The following SAMD12 variants were observed in gnomAD, a reference collection of about 807,000 sequenced individuals.
SAMD12 encodes sterile alpha motif domain containing 12.
Under a neutral mutation model 15.0 loss-of-function variants are expected in SAMD12, and 9 were observed. That is an observed-to-expected ratio of 0.60 (90% confidence interval 0.36 to 1.05). SAMD12 has a LOEUF of 1.05. Ranked by LOEUF, SAMD12 falls within the 50% of genes least tolerant of loss-of-function variation. The pLI is 0.01. For synonymous variants in SAMD12, 86 were observed against 90.1 expected, an observed-to-expected ratio of 0.96 and a Z score of 0.25; for missense variants, 230 against 234.2, an observed-to-expected ratio of 0.98 and a Z score of 0.12.
intron 3 of SAMD12, among the ~76,000 whole-genome samples, chr8:118,422,527 G>A (rs1642510442): frequency 6.6e-6 from 1 of 152,184 alleles, no homozygotes; most frequent in South Asian, 2.1e-4. Context: ...GTGATGTGCT[G>A]TGGTTTCAGG....
Position 118,513,158 on chromosome 8 carries a change from T to A in SAMD12, c.192+67557A>T, listed in dbSNP as rs536321707. Among the ~76,000 whole-genome samples, 3 of 152,324 alleles carry A rather than the reference T, an allele frequency of 2.0e-5. No individual in the cohort carries two copies. The South Asian group carries it at 6.2e-4, about 32-fold the overall frequency. ...CTACATAGTTGATGCATTTCAGACA[T>A]GCACTAGTCATTTGATTTTTCTCTT... On this transcript the variant is annotated intron_variant, in intron 2 of 3. Coordinates refer to ENST00000314727, the MANE Select transcript of SAMD12 (RefSeq NM_207506.3).
intron 2 of SAMD12, among the ~76,000 whole-genome samples, chr8:118,464,571 T>C (rs1003720325): frequency 1.3e-5 from 2 of 152,206 alleles, no homozygotes; most frequent in Non-Finnish European, 2.9e-5. Context: ...AATATGCTTC[T>C]TCCAAAAGTC....
chr8:118,227,054 G>A (rs984329318), intron 4 of SAMD12, among the ~76,000 whole-genome samples: 1 of 152,116 alleles, frequency 6.6e-6, no homozygotes, highest in Non-Finnish European at 1.5e-5. Context: ...CTGCCATAAA[G>A]ACACATGTAT....
intron 1 of SAMD12, among the ~76,000 whole-genome samples, chr8:118,583,732 C>T (rs1827354594): frequency 6.6e-6 from 1 of 152,198 alleles, no homozygotes; most frequent in Admixed American, 6.5e-5. Flanking sequence ...GCTCAGACCT[C>T]TTCTTCAGAA....
intron 2 of SAMD12, among the ~76,000 whole-genome samples, chr8:118,557,633 T>C (rs1049624659): frequency 3.9e-5 from 6 of 152,236 alleles, no homozygotes; most frequent in Non-Finnish European, 7.3e-5. Flanking sequence ...AGCTAATATG[T>C]ATATTTGCAT....
intron 3 of SAMD12, among the ~76,000 whole-genome samples, chr8:118,434,406 A>G (rs934941396): frequency 6.6e-6 from 1 of 152,232 alleles, no homozygotes; most frequent in African/African-American, 2.4e-5. Context: ...CCCTTTATAC[A>G]TTCAAAGCAG....
intron 4 of SAMD12, among the ~76,000 whole-genome samples, chr8:118,237,134 C>T (rs1172158464): frequency 6.6e-6 from 1 of 152,152 alleles, no homozygotes; most frequent in Non-Finnish European, 1.5e-5. Context: ...ATCCTTGCAA[C>T]AATCTCACTG....
chr8:118,404,014 T>A (rs189841098), intron 3 of SAMD12, among the ~76,000 whole-genome samples: 26 of 152,300 alleles, frequency 1.7e-4, no homozygotes, highest in Non-Finnish European at 2.9e-4. Context: ...GGGTTTTGCT[T>A]TGTCCCCAGG....
chr8:118,608,763 C>T (rs1402433907), intron 1 of SAMD12, among the ~76,000 whole-genome samples: 1 of 152,104 alleles, frequency 6.6e-6, no homozygotes, highest in Non-Finnish European at 1.5e-5. Flanking sequence ...CTGGGCTTCC[C>T]AAAGTGCTGA....
At position 118,398,933 on chromosome 8, in the gene SAMD12, G is replaced by T. The variant is rs575441643; in HGVS notation, c.323-19233C>A. On this transcript the variant is annotated intron_variant, in intron 3 of 3. Coordinates refer to ENST00000314727, the MANE Select transcript of SAMD12 (RefSeq NM_207506.3). Reference sequence around the variant, plus strand: ...GGGTCTCACTCTGTCATTCAGGCTGGAGTACAGTGGCACAATCACAGGTCA... The same window carrying T: ...GGGTCTCACTCTGTCATTCAGGCTGTAGTACAGTGGCACAATCACAGGTCA... 8.5e-5 allele frequency among the ~76,000 whole-genome samples: 13 copies of T among 152,242 alleles called. No individual in the cohort carries two copies. In the South Asian group the frequency reaches 2.1e-3, roughly 24 times the overall value.
At chr8:118,297,717 C>T (rs1814788694) in intron 4 of SAMD12, among the ~76,000 whole-genome samples, 1 of 152,084 alleles carries the variant, frequency 6.6e-6, no homozygotes, top group Non-Finnish European at 1.5e-5. Context: ...GCAGTTTGTT[C>T]ACATGGTTAT....
At chr8:118,375,271 G>C (rs1275745750), downstream of SAMD12, among the ~76,000 whole-genome samples, 1 of 152,130 alleles carries the variant, frequency 6.6e-6, no homozygotes, top group Non-Finnish European at 1.5e-5. Context: ...TTGCTGTGGA[G>C]TCAGACAGAC....
At chr8:118,492,351 A>G (rs916095552) in intron 2 of SAMD12, among the ~76,000 whole-genome samples, 1 of 152,158 alleles carries the variant, frequency 6.6e-6, no homozygotes, top group African/African-American at 2.4e-5. Flanking sequence ...ACTTATTTAT[A>G]TATGCTGAAT....
intron 4 of SAMD12, among the ~76,000 whole-genome samples, chr8:118,270,429 T>C (rs1813327814): frequency 1.3e-5 from 2 of 152,324 alleles, no homozygotes; most frequent in South Asian, 4.1e-4. Context: ...ATTTCCTGAA[T>C]AGACTTTAGT....
chr8:118,596,615 A>G (rs887490012), intron 1 of SAMD12, among the ~76,000 whole-genome samples: 1 of 152,194 alleles, frequency 6.6e-6, no homozygotes, highest in East Asian at 1.9e-4. Context: ...TACTTTAGGC[A>G]TTGTTGATCA....
chr8:118,506,481 C>T (rs533999314), intron 2 of SAMD12, among the ~76,000 whole-genome samples: 21 of 152,078 alleles, frequency 1.4e-4, no homozygotes, highest in African/African-American at 4.3e-4. Context: ...CAATTTTCCA[C>T]GGGGAGAAGG....
chr8:118,595,833 A>C (rs756502692), intron 1 of SAMD12, among the ~76,000 whole-genome samples: 1 of 152,188 alleles, frequency 6.6e-6, no homozygotes, highest in Non-Finnish European at 1.5e-5. Context: ...TCAGAAGTAC[A>C]TTATTTTTTT....
chr8:118,468,014 C>G (rs777382914), intron 2 of SAMD12, among the ~76,000 whole-genome samples: 1 of 152,218 alleles, frequency 6.6e-6, no homozygotes, highest in Non-Finnish European at 1.5e-5. Flanking sequence ...AAGACACCAC[C>G]TCTTTTTCCT....
intron 2 of SAMD12, among the ~76,000 whole-genome samples, chr8:118,448,381 C>G (rs1481640741): frequency 2.0e-5 from 3 of 152,200 alleles, no homozygotes; most frequent in African/African-American, 7.2e-5. Flanking sequence ...TATGTCTCTT[C>G]CCACTGGCTT....
Sources: gnomAD v4.1 joint callset for allele counts (sites outside exome capture counted in the v4.1 genomes callset) on GRCh38, gnomAD v4.1.1 for gene constraint, MANE v1.5 for transcripts, NCBI Gene and HGNC (gene_info 2026-07-23, HGNC 2026-07-21) for gene names.